MEF2B: variants seen among roughly 807,000 people sequenced by gnomAD.
MEF2B encodes the protein myocyte enhancer factor 2B.
In MEF2B, 15 loss-of-function variants were observed where a neutral mutation model predicts 32.2. The ratio of observed to expected loss-of-function variants is 0.47; its 90% CI spans 0.31 to 0.72. The LOEUF is 0.72. Among genes scored for constraint, MEF2B ranks in the 30% least tolerant of loss-of-function variants. The pLI is 0.05. For synonymous variants in MEF2B, 205 were observed against 225.6 expected (o/e 0.91, Z 0.82); for missense variants, 441 against 511.5 (o/e 0.86, Z 1.33).
At chr19:19,162,845 C>A (rs897033662) in intron 1 of MEF2B, among the ~76,000 whole-genome samples, 1 of 152,212 alleles carries the variant, frequency 6.6e-6, no homozygotes, top group Admixed American at 6.5e-5. Context: ...TTGCCCACTG[C>A]GTGATACTTT....
intron 1 of MEF2B, among the ~76,000 whole-genome samples, chr19:19,153,598 G>C (rs1372351962): frequency 1.3e-5 from 2 of 151,688 alleles, no homozygotes. Flanking sequence ...CTGCGATTAC[G>C]GGCATGCACC....
At chr19:19,149,501 G>T in intron 2 of MEF2B, 72 bp from the exon 3 acceptor site, 1 of 1,590,076 alleles carries the variant, frequency 6.3e-7, no homozygotes, top group Admixed American at 1.7e-5. Flanking sequence ...AGGGGAATTG[G>T]CAGGGCCTAA....
At position 19,146,324 on chromosome 19, in the gene MEF2B, G is replaced by A; in HGVS notation, c.830C>T (p.Pro277Leu). The A allele has an allele frequency of 2.3e-6, 3 of 1,324,340 alleles. No homozygotes were observed. Among genetic ancestry groups the A allele is most frequent in the Non-Finnish European group, 2.0e-6 (2 of 1,024,164 alleles). The allele number at this position is 1,324,340 out of a possible 1,614,324, so 82.0% of individuals were successfully genotyped here. A position where few individuals can be genotyped will look rare whatever the true frequency, so the allele number is the denominator to read the frequency against. ...PGLLQPPTLA[P>L]WQPSRGDGPP... ...CCCATCACCCCTCGAGGGCTGCCAG[G>A]GGGCCAGGGTGGGGGGCTGCAACAA... is the stretch of plus-strand genomic sequence containing the variant. Residue 277 changes from proline (P) to leucine (L), a missense_variant, in exon 8 of 9, where the codon CCC becomes CTC. By Grantham distance (98) the Pro-to-Leu change is moderately conservative (BLOSUM62 -3). Transcript: ENST00000424583.
rs2060111838 is a variant in MEF2B, at chr19:19,155,157, G to A, written c.-29-4393C>T. Among the ~76,000 whole-genome samples the A allele has an allele frequency of 2.0e-5, 3 of 152,130 alleles. No homozygotes were observed. The South Asian group carries it at 6.2e-4, about 32-fold the overall frequency. On this transcript the variant is annotated intron_variant, in intron 1 of 8. Transcript: ENST00000424583. ...CCCTCCTGCTCATACACTCTCCATG[G>A]CTCCCCACTGCCCTTATGAGAAAGT...
chr19:19,150,763 G>T lies in MEF2B; in HGVS notation c.-28C>A. The T allele has an allele frequency of 1.2e-6, 2 of 1,614,112 alleles. No homozygotes were observed. Among genetic ancestry groups the T allele is most frequent in the Non-Finnish European group, 1.7e-6 (2 of 1,180,020 alleles). ...TCCCAGGCTGAGTGGAATGATCTTT[G>T]TCTAGGAGGAGAAGAGGGAGAGGAC... On this transcript the variant is annotated splice_region_variant and 5_prime_UTR_variant, in exon 2 of 9. Transcript: ENST00000424583.
intron 1 of MEF2B, among the ~76,000 whole-genome samples, chr19:19,159,202 A>G (rs950644290): frequency 6.8e-6 from 1 of 146,746 alleles, no homozygotes; most frequent in Non-Finnish European, 1.5e-5. Flanking sequence ...CGGCCTCCCA[A>G]AGTGCTGGGA....
chr19:19,156,588 G>T (rs2060121921), intron 1 of MEF2B, among the ~76,000 whole-genome samples: 1 of 152,158 alleles, frequency 6.6e-6, no homozygotes, highest in Non-Finnish European at 1.5e-5. Context: ...AAATCTCACA[G>T]AACAGGAAAG....
At chr19:19,150,415 T>C (rs967621949) in intron 2 of MEF2B, among the ~76,000 whole-genome samples, 1 of 150,416 alleles carries the variant, frequency 6.6e-6, no homozygotes, top group African/African-American at 2.4e-5. Context: ...TAATCCCAGC[T>C]ACTCAGGAGG....
At chr19:19,146,133 G>C (rs1439710108) in intron 8 of MEF2B, 111 bp from the exon 9 acceptor site, 1 of 1,018,824 alleles carries the variant, frequency 9.8e-7, no homozygotes, top group East Asian at 3.0e-5. Context: ...GGAAAGGAGG[G>C]GGTGGCGGTC....
At chr19:19,169,609 T>A (rs2060236821) in intron 1 of MEF2B, among the ~76,000 whole-genome samples, 1 of 152,122 alleles carries the variant, frequency 6.6e-6, no homozygotes, top group Non-Finnish European at 1.5e-5. Context: ...GAGGGAGGAC[T>A]GTGACCGTGA....
At chr19:19,159,796 C>T (rs553170215) in intron 1 of MEF2B, among the ~76,000 whole-genome samples, 1 of 152,172 alleles carries the variant, frequency 6.6e-6, no homozygotes, top group South Asian at 2.1e-4. Context: ...GGCGAGGCCC[C>T]TTAGCCCCCC....
chr19:19,157,924 C>T (rs1237488273), intron 1 of MEF2B, among the ~76,000 whole-genome samples: 3 of 152,124 alleles, frequency 2.0e-5, no homozygotes, highest in Admixed American at 6.5e-5. Flanking sequence ...TGGGCAGAAG[C>T]TGTGATTAGG....
intron 1 of MEF2B, among the ~76,000 whole-genome samples, chr19:19,165,145 G>A (rs974708037): frequency 6.6e-6 from 1 of 152,108 alleles, no homozygotes; most frequent in Non-Finnish European, 1.5e-5. Flanking sequence ...CAGGAGCAGG[G>A]GGTGGGCAGA....
chr19:19,151,513 G>A (rs868033863), intron 1 of MEF2B, among the ~76,000 whole-genome samples: 5 of 152,088 alleles, frequency 3.3e-5, no homozygotes, highest in South Asian at 2.1e-4. Context: ...GGGAACAATC[G>A]AATCATGTGG....
At chr19:19,166,421 T>G (rs1367693016) in intron 1 of MEF2B, among the ~76,000 whole-genome samples, 1 of 151,694 alleles carries the variant, frequency 6.6e-6, no homozygotes, top group Non-Finnish European at 1.5e-5. Context: ...CTGGGGCGAG[T>G]TCCCTGACCC....
At chr19:19,168,963 A>G (rs1006378160) in intron 1 of MEF2B, among the ~76,000 whole-genome samples, 2 of 152,004 alleles carry the variant, frequency 1.3e-5, no homozygotes, top group Admixed American at 6.6e-5. Flanking sequence ...GCAGAAAATC[A>G]ATCACTTGAA....
chr19:19,146,204 G>A, intron 8 of MEF2B, 69 bp downstream of exon 8: 2 of 850,444 alleles, frequency 2.4e-6, no homozygotes, highest in Non-Finnish European at 3.4e-6. Context: ...TACCAGGGAT[G>A]GCCACCAGGG....
intron 1 of MEF2B, among the ~76,000 whole-genome samples, chr19:19,154,208 G>A (rs557878444): frequency 1.4e-4 from 21 of 151,898 alleles, no homozygotes; most frequent in Non-Finnish European, 2.1e-4. Flanking sequence ...GTGTCACCCC[G>A]GCTGAAGTGC....
Position 19,146,713 on chromosome 19 carries a change from C to T in MEF2B, c.675+29G>A, listed in dbSNP as rs781228320. On this transcript the variant is annotated intron_variant, in intron 6 of 8. Transcript: ENST00000424583. ...CCCAGGTCGCCCTGCCTGCCCTCATCAGCCCTGCCACACCCTCCCCTCACT... is the reference window on the plus strand; with the variant it reads ...CCCAGGTCGCCCTGCCTGCCCTCATTAGCCCTGCCACACCCTCCCCTCACT... 7 of 1,613,832 alleles carry T rather than the reference C, an allele frequency of 4.3e-6. No individual in the cohort carries two copies. In the South Asian group the frequency reaches 5.5e-5, roughly 13 times the overall value.
Sources: allele counts gnomAD v4.1 joint callset (sites outside exome capture counted in the v4.1 genomes callset), GRCh38; gene constraint gnomAD v4.1.1; transcripts MANE v1.5; gene names NCBI Gene and HGNC (gene_info 2026-07-23, HGNC 2026-07-21).